Variants in PHACTR3 observed in about 807,000 individuals in gnomAD.
PHACTR3 encodes the protein protein phosphatase 1, regulatory subunit 123.
Under a neutral mutation model 66.8 loss-of-function variants are expected in PHACTR3, and 16 were observed. That is an observed-to-expected ratio of 0.24 (90% CI 0.16 to 0.36). PHACTR3 has a LOEUF of 0.36. PHACTR3 is among the 10% of genes least tolerant of loss of function. The pLI is 1.00. For missense variants in PHACTR3, 647 were observed against 719.9 expected (o/e 0.90, Z 1.16); for synonymous variants, 323 against 292.1 (o/e 1.11, Z -1.08).
chr20:59,601,163 T>G (rs2033468940), upstream of PHACTR3, among the ~76,000 whole-genome samples: 1 of 152,178 alleles, frequency 6.6e-6, no homozygotes, highest in Non-Finnish European at 1.5e-5. Context: ...ATCCTCGGCG[T>G]CCACAGATCT....
intron 8 of PHACTR3, among the ~76,000 whole-genome samples, chr20:59,831,703 C>T (rs1423281254): frequency 2.0e-5 from 3 of 152,164 alleles, no homozygotes; most frequent in Admixed American, 1.3e-4. Context: ...AGCGGCTCCT[C>T]GGAGAGCAAC....
chr20:59,672,342 T>A (rs748880280), intron 1 of PHACTR3, among the ~76,000 whole-genome samples: 5 of 152,230 alleles, frequency 3.3e-5, no homozygotes. Context: ...CGAACCTCAG[T>A]TTCCCATCTC....
intron 1 of PHACTR3, among the ~76,000 whole-genome samples, chr20:59,625,118 C>A (rs1329251220): frequency 6.6e-6 from 1 of 151,942 alleles, no homozygotes; most frequent in Non-Finnish European, 1.5e-5. Context: ...TCCAGAACTT[C>A]TTTTTAAATT....
At chr20:59,747,733 A>C in intron 2 of PHACTR3, 25 bp from the exon 3 acceptor site, 1 of 1,611,438 alleles carries the variant, frequency 6.2e-7, no homozygotes, top group South Asian at 1.1e-5. Flanking sequence ...CCTGAGACTC[A>C]CCTGTGTGTT....
At chr20:59,655,678 C>A (rs1173767584) in intron 1 of PHACTR3, among the ~76,000 whole-genome samples, 1 of 151,714 alleles carries the variant, frequency 6.6e-6, no homozygotes, top group Non-Finnish European at 1.5e-5. Flanking sequence ...TAATTCCTTC[C>A]TTCTGAATGT....
chr20:59,686,511 G>A (rs1356392428), intron 1 of PHACTR3, among the ~76,000 whole-genome samples: 2 of 152,146 alleles, frequency 1.3e-5, no homozygotes, highest in African/African-American at 4.8e-5. Flanking sequence ...TGATGGTGGT[G>A]ATGATTGTGA....
intron 5 of PHACTR3, 152 bp from the exon 6 acceptor site, chr20:59,773,127 C>G: frequency 1.2e-6 from 1 of 848,404 alleles, no homozygotes; most frequent in East Asian, 2.5e-5. Context: ...GCTTTGGGAG[C>G]AGGGATCCCG....
chr20:59,593,310 G>A (rs2033238750), intron 1 of PHACTR3, among the ~76,000 whole-genome samples: 2 of 152,186 alleles, frequency 1.3e-5, no homozygotes, highest in South Asian at 4.1e-4. Context: ...ATTTTGATGG[G>A]TGATCTATTC....
intron 1 of PHACTR3, among the ~76,000 whole-genome samples, chr20:59,647,720 C>T (rs929548003): frequency 2.0e-5 from 3 of 152,164 alleles, no homozygotes; most frequent in African/African-American, 7.2e-5. Context: ...CCTGTACAAA[C>T]TCATCTCCCA....
chr20:59,816,723 A>G (rs2041897156), intron 8 of PHACTR3, among the ~76,000 whole-genome samples: 1 of 152,176 alleles, frequency 6.6e-6, no homozygotes, highest in Non-Finnish European at 1.5e-5. Flanking sequence ...GGTTGGTTAG[A>G]TGGATAGATG....
chr20:59,844,572 T>A (rs1307748134), intron 11 of PHACTR3: 1 of 152,138 alleles, frequency 6.6e-6, no homozygotes, highest in African/African-American at 2.4e-5. Context: ...TTATGTTAAA[T>A]AAGCCAGGCA....
chr20:59,808,811 C>A (rs1175574235), intron 8 of PHACTR3, among the ~76,000 whole-genome samples: 3 of 152,218 alleles, frequency 2.0e-5, no homozygotes, highest in African/African-American at 7.2e-5. Context: ...AAGCGAGGGT[C>A]TACAGCAGGG....
intron 3 of PHACTR3, among the ~76,000 whole-genome samples, chr20:59,750,145 G>A (rs765931316): frequency 3.3e-5 from 5 of 151,748 alleles, no homozygotes; most frequent in Non-Finnish European, 4.4e-5. Flanking sequence ...ACAAAAAGCC[G>A]GCAACTCACG....
intron 1 of PHACTR3, among the ~76,000 whole-genome samples, chr20:59,655,729 T>A (rs1476845572): frequency 1.3e-5 from 2 of 151,880 alleles, no homozygotes; most frequent in Non-Finnish European, 2.9e-5. Flanking sequence ...TCTTTTCGAG[T>A]GGAGGATTTG....
At chr20:59,679,726 C>G (rs1403838628) in intron 1 of PHACTR3, among the ~76,000 whole-genome samples, 1 of 152,174 alleles carries the variant, frequency 6.6e-6, no homozygotes, top group African/African-American at 2.4e-5. Flanking sequence ...AAAGGCATGT[C>G]TTACGTGGCA....
chr20:59,845,204 G>C lies in PHACTR3; in HGVS notation c.1603G>C (p.Glu535Gln). The C allele has an allele frequency of 6.2e-7, 1 of 1,604,246 alleles. No homozygotes were observed. The highest frequency in any genetic ancestry group is 8.5e-7 in the Non-Finnish European group (1 of 1,172,628). ...TAAATTTCAGGCAGCAATTCGTAAA[G>C]AATTAAATGAGTACAAAAGTAATGA... ...SAADKAAIRK[E>Q]LNEYKSNEME... is the part of the protein sequence containing the mutation. The change falls in exon 12 of 13, where the codon GAA (glutamate) becomes CAA (glutamine). Residue 535 changes from glutamate to glutamine, a missense_variant. Physicochemically the swap from Glu to Gln is conservative, Grantham distance 29 (BLOSUM62 2). Around this residue, in one of 2 missense-constraint regions of PHACTR3, gnomAD observed 70 missense variants for 148.8 expected, o/e 0.47. Coordinates refer to ENST00000371015, the MANE Select transcript of PHACTR3 (RefSeq NM_080672.5).
At position 59,840,534 on chromosome 20, in the gene PHACTR3, GAAT is replaced by G. The variant is rs1298915456; in HGVS notation, c.1446+108_1446+110del. 3 of 1,501,340 alleles carry G rather than the reference GAAT, an allele frequency of 2.0e-6. No individual in the cohort carries two copies. The African/African-American group carries it at 4.2e-5, about 21-fold the overall frequency. The allele number at this position is 1,501,340 out of a possible 1,614,324, so 93.0% of individuals were successfully genotyped here. A position where few individuals can be genotyped will look rare whatever the true frequency, so the allele number is the denominator to read the frequency against. On this transcript the variant is annotated intron_variant, in intron 10 of 12. Transcript: ENST00000371015. Reference sequence around the variant, plus strand: ...ATGCTAGGTATCACTCTGTGATCATGAATAATGTTCTCCTGGACATCATGGCAT... The same window carrying G: ...ATGCTAGGTATCACTCTGTGATCATGAATGTTCTCCTGGACATCATGGCAT...
intron 1 of PHACTR3, among the ~76,000 whole-genome samples, chr20:59,583,055 G>C (rs2032908303): frequency 6.6e-6 from 1 of 152,174 alleles, no homozygotes; most frequent in Non-Finnish European, 1.5e-5. Context: ...TGCATCCTGA[G>C]AAGTCCTCAG....
At chr20:59,705,978 C>A (rs1168311234) in intron 1 of PHACTR3, among the ~76,000 whole-genome samples, 1 of 152,176 alleles carries the variant, frequency 6.6e-6, no homozygotes, top group Non-Finnish European at 1.5e-5. Flanking sequence ...GAGGCCAGAG[C>A]TGAAGTGAGC....
Sources: allele counts gnomAD v4.1 joint callset (sites outside exome capture counted in the v4.1 genomes callset), GRCh38; gene constraint gnomAD v4.1.1; regional missense constraint gnomAD v4.1.1; transcripts MANE v1.5; gene names NCBI Gene and HGNC (gene_info 2026-07-23, HGNC 2026-07-21).